ASIC2: variants seen among roughly 807,000 people sequenced by gnomAD.
ASIC2 encodes acid sensing ion channel subunit 2.
ASIC2 carries 25 observed loss-of-function variants against 57.3 expected under a neutral mutation model. The ratio of observed to expected loss-of-function variants is 0.44; its 90% CI spans 0.32 to 0.61. The LOEUF is 0.61. ASIC2 is among the 20% of genes least tolerant of loss of function. The probability of loss-of-function intolerance (pLI) is 0.06; values close to 1 mark genes in which losing one functional copy is unlikely to be tolerated. For missense variants in ASIC2, 641 were observed against 738.1 expected (o/e 0.87, Z 1.52); for synonymous variants, 319 against 307.5 (o/e 1.04, Z -0.39).
intron 1 of ASIC2, among the ~76,000 whole-genome samples, chr17:33,612,875 ATT>A (rs1905455437): frequency 6.6e-6 from 1 of 152,168 alleles, no homozygotes; most frequent in South Asian, 2.1e-4. Flanking sequence ...TGACAAATAC[ATT>A]GCTGTTGTAC....
At chr17:34,028,026 T>C (rs182626219) in intron 1 of ASIC2, among the ~76,000 whole-genome samples, 1 of 152,270 alleles carries the variant, frequency 6.6e-6, no homozygotes, top group Non-Finnish European at 1.5e-5. Flanking sequence ...ATTCCACATA[T>C]ATGAGGAAAA....
At chr17:33,177,425 A>G (rs1905803897) in intron 1 of ASIC2, among the ~76,000 whole-genome samples, 1 of 152,232 alleles carries the variant, frequency 6.6e-6, no homozygotes, top group South Asian at 2.1e-4. Flanking sequence ...AGGAAGGCAG[A>G]AAAATGGTCT....
intron 1 of ASIC2, chr17:34,071,569 C>A (rs1045202255): frequency 4.6e-5 from 7 of 152,218 alleles, no homozygotes; most frequent in African/African-American, 1.4e-4. Flanking sequence ...GTGGCTCACG[C>A]CTGTAATCCC....
chr17:33,801,949 T>C (rs984093973), intron 1 of ASIC2, among the ~76,000 whole-genome samples: 4 of 152,188 alleles, frequency 2.6e-5, no homozygotes, highest in Non-Finnish European at 5.9e-5. Context: ...ATGGACCACA[T>C]ATTATTCAAA....
chr17:33,090,931 G>A (rs1050638812), intron 2 of ASIC2, among the ~76,000 whole-genome samples: 74 of 152,192 alleles, frequency 4.9e-4, no homozygotes, highest in African/African-American at 1.6e-3. Context: ...GAGTGGGAGA[G>A]AATCCAGGCA....
At chr17:33,429,183 CA>C (rs1203579041) in intron 1 of ASIC2, among the ~76,000 whole-genome samples, 2 of 152,028 alleles carry the variant, frequency 1.3e-5, no homozygotes, top group African/African-American at 2.4e-5. Flanking sequence ...GCATTTTAGA[CA>C]TTTTTTTTTT....
intron 1 of ASIC2, among the ~76,000 whole-genome samples, chr17:33,724,484 T>C (rs1909485078): frequency 1.3e-5 from 2 of 152,120 alleles, no homozygotes; most frequent in Admixed American, 1.3e-4. Context: ...AGGGTGTAAG[T>C]GGAAGACCTG....
At chr17:33,023,547 C>G (rs2091846901) in intron 6 of ASIC2, among the ~76,000 whole-genome samples, 2 of 151,892 alleles carry the variant, frequency 1.3e-5, no homozygotes, top group South Asian at 4.2e-4. Context: ...CACCTCATTG[C>G]AAGCTGCAGC....
intron 1 of ASIC2, among the ~76,000 whole-genome samples, chr17:33,597,435 T>C (rs1023124898): frequency 1.3e-5 from 2 of 152,218 alleles, no homozygotes; most frequent in East Asian, 1.9e-4. Context: ...GCATAGGACA[T>C]GTAGAACTGA....
chr17:34,085,767 G>A (rs2142083049), intron 1 of ASIC2, among the ~76,000 whole-genome samples: 1 of 152,236 alleles, frequency 6.6e-6, no homozygotes, highest in Non-Finnish European at 1.5e-5. Context: ...TTAGTCTTGG[G>A]AGAGTGTACG....
chr17:33,717,560 G>GACA (rs1197605342), intron 1 of ASIC2, among the ~76,000 whole-genome samples: 1 of 152,214 alleles, frequency 6.6e-6, no homozygotes, highest in African/African-American at 2.4e-5. Context: ...GTCCGGTCCA[G>GACA]GCTGGAGCTG....
Position 33,847,590 on chromosome 17 carries a change from C to T in ASIC2, c.555+308388G>A, listed in dbSNP as rs370505743. On this transcript the variant is annotated intron_variant, in intron 1 of 9. Transcript: ENST00000359872. The stretch of plus-strand genomic sequence containing the variant: ...ACACTCCAGACAGGATACTACTGTG[C>T]TCTCAGCTTGCAATAGTATATGGGA... Among the ~76,000 whole-genome samples the T allele has an allele frequency of 8.5e-5, 13 of 152,298 alleles. No individual in the cohort carries two copies. The South Asian group carries it at 2.5e-3, about 29-fold the overall frequency.
At position 33,675,061 on chromosome 17, in the gene ASIC2, GC is replaced by G. The variant is rs1403115768; in HGVS notation, c.555+480916del. Reference sequence around the variant, plus strand: ...AATAGTTACACAAATAAAAGCGTCCGCCTTCTGGTGTTGTGGAGATTAATGA... The same window carrying G: ...AATAGTTACACAAATAAAAGCGTCCGCTTCTGGTGTTGTGGAGATTAATGA... On this transcript the variant is annotated intron_variant, in intron 1 of 9. Transcript: ENST00000359872. Among the ~76,000 whole-genome samples, 9 of 152,338 alleles carry G rather than the reference GC, an allele frequency of 5.9e-5. No individual in the cohort carries two copies. The East Asian group carries it at 1.7e-3, about 29-fold the overall frequency.
chr17:34,153,039 T>C (rs903101841), intron 1 of ASIC2, among the ~76,000 whole-genome samples: 7 of 152,226 alleles, frequency 4.6e-5, no homozygotes, highest in Admixed American at 3.9e-4. Flanking sequence ...CACACCTGGC[T>C]TCCCTGGGAC....
At chr17:34,125,486 A>T (rs2142122723) in intron 1 of ASIC2, among the ~76,000 whole-genome samples, 1 of 152,192 alleles carries the variant, frequency 6.6e-6, no homozygotes, top group East Asian at 1.9e-4. Flanking sequence ...TTGTTAGAGG[A>T]TGTTAGGTAG....
intron 1 of ASIC2, among the ~76,000 whole-genome samples, chr17:33,890,645 T>C (rs1318103882): frequency 1.3e-5 from 2 of 152,170 alleles, no homozygotes; most frequent in Non-Finnish European, 2.9e-5. Context: ...CCATTCTATG[T>C]AGAGTTGGGC....
At position 34,156,305 on chromosome 17, in the gene ASIC2, C is replaced by A. The variant is rs137994407; in HGVS notation, c.228G>T (p.Val76=). The A allele has an allele frequency of 1.5e-5, 25 of 1,614,230 alleles. No individual in the cohort carries two copies. In the East Asian group the frequency reaches 5.3e-4, roughly 35 times the overall value. Residue 76 remains valine, a synonymous_variant, in exon 1 of 10, where the codon GTG becomes GTT. Coordinates refer to the ASIC2 transcript ENST00000359872. This position sits in a 1 kb window ranked among gnomAD's most constrained non-coding sequence, Gnocchi z 4.4. ...CCAGGCTTTGAGCCACCACTTCGTC[C>A]ACCTTAGTGACATGCTGGTAGGAGA...
At chr17:33,580,626 T>G (rs1368021318) in intron 1 of ASIC2, among the ~76,000 whole-genome samples, 2 of 152,038 alleles carry the variant, frequency 1.3e-5, no homozygotes, top group Non-Finnish European at 2.9e-5. Context: ...GAGTTAAGAA[T>G]GAGAGTGAAG....
chr17:33,649,825 C>A (rs1354767156), intron 1 of ASIC2, among the ~76,000 whole-genome samples: 1 of 152,094 alleles, frequency 6.6e-6, no homozygotes, highest in East Asian at 1.9e-4. Context: ...TATCCATAGG[C>A]CAAAAGATGA....
Sources: gnomAD v4.1 joint callset for allele counts (sites outside exome capture counted in the v4.1 genomes callset) on GRCh38, gnomAD v4.1.1 for gene constraint, Gnocchi (gnomAD v3.1) non-coding constraint, MANE v1.5 for transcripts, NCBI Gene and HGNC (gene_info 2026-07-23, HGNC 2026-07-21) for gene names.